The following DEFB123 variants were observed in gnomAD, a reference collection of about 807,000 sequenced individuals.
The protein encoded by DEFB123 is beta-defensin 123.
For missense variants in DEFB123, 71 were observed against 75.0 expected (o/e 0.95, Z 0.20); for synonymous variants, 22 against 28.3 (o/e 0.78, Z 0.71).
intron 1 of DEFB123, among the ~76,000 whole-genome samples, chr20:31,448,508 G>A (rs1332513592): frequency 1.3e-5 from 2 of 148,430 alleles, no homozygotes; most frequent in Admixed American, 6.9e-5. Flanking sequence ...ACTTGTTATT[G>A]TCCCATGGGT....
intron 1 of DEFB123, among the ~76,000 whole-genome samples, chr20:31,448,878 ATTT>A (rs34804733): frequency 1.5e-4 from 18 of 119,946 alleles, no homozygotes; most frequent in African/African-American, 3.8e-4. Flanking sequence ...CGCCCAGCTA[ATTT>A]TTTTTTTTTT....
At position 31,450,148 on chromosome 20, in the gene DEFB123, C is replaced by G; in HGVS notation, c.178C>G (p.Pro60Ala). Residue 60 changes from proline (P) to alanine (A), a missense_variant, in exon 2 of 2, where the codon CCA becomes GCA. Transcript: ENST00000376309. ...GTGCTGCGTGAAGCCCAAGTACCAG[C>G]CAAAAGAAAGGTGGTGGCCATTTTA... ...KMCCVKPKYQ[P>A]KERWWPF The G allele has an allele frequency of 1.2e-6, 2 of 1,606,362 alleles. No individual in the cohort carries two copies. The highest frequency in any genetic ancestry group is 1.7e-6 in the Non-Finnish European group (2 of 1,177,276).
At chr20:31,442,328 T>G (rs1016627346) in intron 1 of DEFB123, among the ~76,000 whole-genome samples, 5 of 152,358 alleles carry the variant, frequency 3.3e-5, no homozygotes, top group South Asian at 2.1e-4. Flanking sequence ...AAAAGTAACT[T>G]GATATGTCAT....
In DEFB123 at chr20:31,440,637, CCTT is replaced by C. The variant is rs1399653952; in HGVS notation, c.-59_-57del. 56 of 1,603,052 alleles carry C rather than the reference CCTT, an allele frequency of 3.5e-5. No homozygotes were observed. The highest frequency in any genetic ancestry group is 1.3e-4 in the East Asian group (6 of 44,848). On this transcript the variant is annotated 5_prime_UTR_variant, in exon 1 of 2. Coordinates refer to ENST00000376309, the MANE Select transcript of DEFB123 (RefSeq NM_153324.4). Reference sequence around the variant, plus strand: ...GTGCGAGCCACAGGCCAGGCACTCTCCTTCTCCCATTAGCTCAGCCGTGGCATC... The same window carrying C: ...GTGCGAGCCACAGGCCAGGCACTCTCCTCCCATTAGCTCAGCCGTGGCATC...
chr20:31,449,912 G>C (rs1979694044), intron 1 of DEFB123, 117 bp from the exon 2 acceptor site: 1 of 1,308,756 alleles, frequency 7.6e-7, no homozygotes, highest in Non-Finnish European at 1.0e-6. Context: ...AAGAGTCAAA[G>C]GCAAGGGAAA....
intron 1 of DEFB123, among the ~76,000 whole-genome samples, chr20:31,444,127 C>A (rs1229458157): frequency 1.3e-5 from 2 of 152,100 alleles, no homozygotes; most frequent in Non-Finnish European, 2.9e-5. Flanking sequence ...TTTTTGACAA[C>A]CAATGGATTT....
chr20:31,446,773 T>G (rs1174308691), intron 1 of DEFB123, among the ~76,000 whole-genome samples: 1 of 152,178 alleles, frequency 6.6e-6, no homozygotes, highest in Non-Finnish European at 1.5e-5. Context: ...TCCCAGCCTT[T>G]GTGCTATTGT....
At chr20:31,445,456 A>G (rs1979563134) in intron 1 of DEFB123, among the ~76,000 whole-genome samples, 1 of 152,250 alleles carries the variant, frequency 6.6e-6, no homozygotes. Flanking sequence ...GAAAGACAGA[A>G]TACAGGCTTG....
At chr20:31,447,704 C>A (rs774584938) in intron 1 of DEFB123, among the ~76,000 whole-genome samples, 1 of 151,112 alleles carries the variant, frequency 6.6e-6, no homozygotes, top group African/African-American at 2.4e-5. Flanking sequence ...GCAGCCTCGA[C>A]CTCCCAGGCT....
At position 31,446,955 on chromosome 20, in the gene DEFB123, A is replaced by AAAAAAC. The variant is rs963413344; in HGVS notation, c.59-3056_59-3051dup. Among the ~76,000 whole-genome samples the AAAAAAC allele has an allele frequency of 4.8e-4, 72 of 150,960 alleles. 1 individual carries two copies. The highest frequency in any genetic ancestry group is 8.4e-4 in the Non-Finnish European group (57 of 67,738). Reference sequence around the variant, plus strand: ...GAGTGAGACTCCATCTCAAAAAAAAAAAAAACAAAAACAAAAACAAAAATA... The same window carrying AAAAAAC: ...GAGTGAGACTCCATCTCAAAAAAAAAAAAAACAAAAACAAAAACAAAAACAAAAATA... On this transcript the variant is annotated intron_variant, in intron 1 of 1. Coordinates refer to ENST00000376309, the MANE Select transcript of DEFB123 (RefSeq NM_153324.4).
chr20:31,447,708 C>T (rs185560786), intron 1 of DEFB123, among the ~76,000 whole-genome samples: 2 of 151,090 alleles, frequency 1.3e-5, no homozygotes, highest in Admixed American at 6.6e-5. Context: ...CCTCGACCTC[C>T]CAGGCTCAAG....
intron 1 of DEFB123, among the ~76,000 whole-genome samples, chr20:31,445,279 G>A (rs2122414226): frequency 6.6e-6 from 1 of 152,260 alleles, no homozygotes; most frequent in South Asian, 2.1e-4. Flanking sequence ...TGTCTTTTAG[G>A]ACAATAGGAA....
At chr20:31,442,574 A>AGG (rs765163660) in intron 1 of DEFB123, among the ~76,000 whole-genome samples, 1 of 147,502 alleles carries the variant, frequency 6.8e-6, no homozygotes, top group Non-Finnish European at 1.5e-5. Flanking sequence ...AGTGAACACC[A>AGG]GGGGAAGGGG....
At chr20:31,445,841 G>A (rs143127708) in intron 1 of DEFB123, among the ~76,000 whole-genome samples, 9 of 152,204 alleles carry the variant, frequency 5.9e-5, no homozygotes, top group Middle Eastern at 3.4e-3. Context: ...GCACCCGGCC[G>A]ACGAAATAAT....
At chr20:31,447,016 A>G (rs1979604975) in intron 1 of DEFB123, among the ~76,000 whole-genome samples, 1 of 151,090 alleles carries the variant, frequency 6.6e-6, no homozygotes, top group Non-Finnish European at 1.5e-5. Flanking sequence ...TAATCCCAGC[A>G]CTTTGGGAGG....
intron 1 of DEFB123, among the ~76,000 whole-genome samples, chr20:31,447,752 G>A (rs571962119): frequency 8.2e-5 from 12 of 145,774 alleles, no homozygotes; most frequent in African/African-American, 3.0e-4. Context: ...TAGTAGCTGG[G>A]ACTACAGGTG....
At chr20:31,444,745 C>A (rs1979544956) in intron 1 of DEFB123, among the ~76,000 whole-genome samples, 2 of 152,160 alleles carry the variant, frequency 1.3e-5, no homozygotes, top group African/African-American at 4.8e-5. Flanking sequence ...AAGTGTGCAG[C>A]TTAATGGAGG....
chr20:31,446,946 CA>C lies in DEFB123; in HGVS notation c.59-3069del, dbSNP rs61153733. ...TGGGCGACAGAGTGAGACTCCATCT[CA>C]AAAAAAAAAAAAACAAAAACAAAAA... On this transcript the variant is annotated intron_variant, in intron 1 of 1. Transcript: ENST00000376309. Among the ~76,000 whole-genome samples, 931 of 119,640 alleles carry C rather than the reference CA, an allele frequency of 7.8e-3. 4 individuals are homozygous for C. The highest frequency in any genetic ancestry group is 0.025 in the African/African-American group (835 of 33,640). The allele number at this position is 119,640 out of a possible 152,430, so 78.5% of individuals were successfully genotyped here.
chr20:31,443,434 T>G (rs1237512339), intron 1 of DEFB123, among the ~76,000 whole-genome samples: 1 of 152,224 alleles, frequency 6.6e-6, no homozygotes, highest in Non-Finnish European at 1.5e-5. Context: ...GGTAGCACCA[T>G]GCAGTGCTAT....
Sources: gnomAD v4.1 joint callset for allele counts (sites outside exome capture counted in the v4.1 genomes callset) on GRCh38, gnomAD v4.1.1 for gene constraint, MANE v1.5 for transcripts, NCBI Gene and HGNC (gene_info 2026-07-23, HGNC 2026-07-21) for gene names.